Variants in UBE2U observed in about 807,000 individuals in gnomAD.
UBE2U encodes the protein ubiquitin conjugating enzyme E2 U.
In UBE2U, 39 loss-of-function variants were observed where a neutral mutation model predicts 41.2. That is an observed-to-expected ratio of 0.95 (90% CI 0.73 to 1.24). UBE2U has a LOEUF of 1.24. UBE2U is among the 50% of genes most tolerant of loss of function. The pLI, the probability that UBE2U is intolerant of heterozygous loss-of-function variation, is 0.00. For missense variants in UBE2U, 336 were observed against 363.1 expected (o/e 0.93, Z 0.61); for synonymous variants, 107 against 117.8 (o/e 0.91, Z 0.60).
intron 8 of UBE2U, among the ~76,000 whole-genome samples, chr1:64,247,789 A>C (rs1644945232): frequency 6.6e-6 from 1 of 151,492 alleles, no homozygotes; most frequent in African/African-American, 2.4e-5. Context: ...ATTTGAGCCC[A>C]GTAGGTCGAG....
intron 6 of UBE2U, among the ~76,000 whole-genome samples, chr1:64,229,388 A>T (rs1653124626): frequency 6.6e-6 from 1 of 152,200 alleles, no homozygotes; most frequent in Admixed American, 6.5e-5. Context: ...ACCAGCTGAC[A>T]CCTAAGTGCT....
In UBE2U at chr1:64,232,614, C is replaced by G. The variant is rs763571824; in HGVS notation, c.560C>G (p.Ala187Gly). The G allele has an allele frequency of 9.3e-6, 15 of 1,613,408 alleles. No homozygotes were observed. The change falls in exon 7 of 10, where the codon GCT becomes GGT. Residue 187 changes from alanine to glycine, a missense_variant. Physicochemically the swap from Ala to Gly is moderately conservative, Grantham distance 60. Coordinates refer to ENST00000371077, the MANE Select transcript of UBE2U (RefSeq NM_001366232.2). ...SDYYQTWSRI[A>G]TSKATEYYRT... ...TACTACCAGACATGGTCCAGAATAG[C>G]TACATCAAAAGCCACAGAATACTAC...
rs976692985 is a variant in UBE2U at position 64,219,288 on chromosome 1, C to T, written c.458-1571C>T. On this transcript the variant is annotated intron_variant, in intron 5 of 9. Coordinates refer to ENST00000371077, the MANE Select transcript of UBE2U (RefSeq NM_001366232.2). The stretch of plus-strand genomic sequence containing the variant: ...GCTCTTGAGAAGTCTAATTTCATTC[C>T]GATGTCCAATTTTTCACATGTGATT... Among the ~76,000 whole-genome samples, 5 of 152,052 alleles carry T rather than the reference C, an allele frequency of 3.3e-5. No individual in the cohort carries two copies. In the South Asian group the frequency reaches 8.3e-4, roughly 25 times the overall value.
At chr1:64,234,605 T>C (rs996599321) in intron 7 of UBE2U, among the ~76,000 whole-genome samples, 8 of 152,168 alleles carry the variant, frequency 5.3e-5, no homozygotes, top group Non-Finnish European at 1.0e-4. Context: ...TTTCAGGAGG[T>C]TGGCTATTAA....
chr1:64,233,458 G>C (rs1269942308), intron 7 of UBE2U, among the ~76,000 whole-genome samples: 1 of 152,148 alleles, frequency 6.6e-6, no homozygotes, highest in Non-Finnish European at 1.5e-5. Context: ...TTAAAAGCCA[G>C]AAAGAAAGAT....
At chr1:64,248,176 G>A (rs1644951906) in intron 8 of UBE2U, among the ~76,000 whole-genome samples, 1 of 151,844 alleles carries the variant, frequency 6.6e-6, no homozygotes, top group Non-Finnish European at 1.5e-5. Flanking sequence ...CATTTTAATG[G>A]GTTCGCTCTC....
intron 4 of UBE2U, among the ~76,000 whole-genome samples, chr1:64,213,600 G>T (rs967420495): frequency 3.9e-5 from 6 of 152,238 alleles, no homozygotes; most frequent in South Asian, 2.1e-4. Flanking sequence ...CAGGAAACAG[G>T]TCTAATTCAT....
At chr1:64,209,468 C>T (rs918648663) in intron 3 of UBE2U, among the ~76,000 whole-genome samples, 1 of 152,168 alleles carries the variant, frequency 6.6e-6, no homozygotes, top group African/African-American at 2.4e-5. Flanking sequence ...AGGCAGGAAA[C>T]TTAGGCAGGC....
intron 8 of UBE2U, among the ~76,000 whole-genome samples, chr1:64,253,308 TGAG>T (rs1287196568): frequency 1.1e-4 from 16 of 152,026 alleles, no homozygotes; most frequent in Admixed American, 1.0e-3. Flanking sequence ...CTGAAAGAGA[TGAG>T]GAGAATGGAA....
At chr1:64,207,049 C>T (rs1651340302) in intron 3 of UBE2U, among the ~76,000 whole-genome samples, 193 bp downstream of exon 3, 1 of 152,192 alleles carries the variant, frequency 6.6e-6, no homozygotes, top group African/African-American at 2.4e-5. Context: ...ATACTGTCAA[C>T]ATTTTGCCAA....
chr1:64,244,223 T>A (rs1644883253), intron 8 of UBE2U: 1 of 1,560,756 alleles, frequency 6.4e-7, no homozygotes, highest in African/African-American at 1.4e-5. Context: ...TCTGAACTTG[T>A]TTTTTTATCT....
intron 6 of UBE2U, among the ~76,000 whole-genome samples, chr1:64,222,107 A>AC (rs1553167074): frequency 6.6e-6 from 1 of 151,550 alleles, no homozygotes; most frequent in South Asian, 2.1e-4. Flanking sequence ...AAAAAAAAAA[A>AC]AACACAAAAA....
At chr1:64,205,491 C>T (rs1263517892) in intron 1 of UBE2U, 148 bp from the exon 2 acceptor site, 1 of 630,672 alleles carries the variant, frequency 1.6e-6, no homozygotes, top group East Asian at 2.9e-5. Flanking sequence ...AGACATGTAA[C>T]ACTTCCCCAG....
chr1:64,214,342 A>T (rs961835995), intron 4 of UBE2U, among the ~76,000 whole-genome samples: 1 of 152,146 alleles, frequency 6.6e-6, no homozygotes, highest in African/African-American at 2.4e-5. Flanking sequence ...ACCACCTGTG[A>T]CTGTGCCTAC....
chr1:64,224,477 C>T (rs1262780409), intron 6 of UBE2U, among the ~76,000 whole-genome samples: 1 of 152,100 alleles, frequency 6.6e-6, no homozygotes, highest in Non-Finnish European at 1.5e-5. Flanking sequence ...AATCCCAGCA[C>T]TCTGGGAGGC....
At chr1:64,244,546 TA>T (rs1169729583) in intron 8 of UBE2U, among the ~76,000 whole-genome samples, 2 of 152,146 alleles carry the variant, frequency 1.3e-5, no homozygotes, top group Non-Finnish European at 2.9e-5. Context: ...TAACTACATT[TA>T]TTGTAGTTCC....
intron 9 of UBE2U, among the ~76,000 whole-genome samples, chr1:64,265,043 T>A (rs139360461): frequency 7.4e-4 from 112 of 152,232 alleles, no homozygotes; most frequent in African/African-American, 2.5e-3. Flanking sequence ...AGGGGATGGT[T>A]TTGCCGTCCA....
chr1:64,230,027 G>A (rs779373105), intron 6 of UBE2U, among the ~76,000 whole-genome samples: 5 of 152,118 alleles, frequency 3.3e-5, no homozygotes, highest in African/African-American at 4.8e-5. Context: ...ACAGCAAAAC[G>A]AACCAGATTT....
chr1:64,222,215 A>G (rs1329124789), intron 6 of UBE2U, among the ~76,000 whole-genome samples: 2 of 152,150 alleles, frequency 1.3e-5, no homozygotes, highest in Non-Finnish European at 2.9e-5. Context: ...AATAGAGGAC[A>G]TTGCCACCCC....
Sources: gnomAD v4.1 joint callset for allele counts (sites outside exome capture counted in the v4.1 genomes callset) on GRCh38, gnomAD v4.1.1 for gene constraint, MANE v1.5 for transcripts, NCBI Gene and HGNC (gene_info 2026-07-23, HGNC 2026-07-21) for gene names.